The following RIPK2 variants were observed in gnomAD, a reference collection of about 807,000 sequenced individuals.
RIPK2 encodes the protein receptor-interacting serine/threonine-protein kinase 2.
A neutral mutation model predicts 60.9 loss-of-function variants in RIPK2; 38 were observed. That is an observed-to-expected ratio of 0.62 (90% CI 0.48 to 0.82). The LOEUF (loss-of-function observed/expected upper bound fraction) is 0.82. Among genes scored for constraint, RIPK2 ranks in the 40% least tolerant of loss-of-function variants. The pLI, the probability that RIPK2 is intolerant of heterozygous loss-of-function variation, is 0.00. For missense variants in RIPK2, 518 were observed against 647.0 expected, an observed-to-expected ratio of 0.80 and a Z score of 2.16; for synonymous variants, 225 against 223.4, an observed-to-expected ratio of 1.01 and a Z score of -0.06.
intron 1 of RIPK2, among the ~76,000 whole-genome samples, chr8:89,760,795 G>A (rs1386038272): frequency 6.6e-6 from 1 of 152,178 alleles, no homozygotes; most frequent in Non-Finnish European, 1.5e-5. Flanking sequence ...GGTCACAGTG[G>A]AAAGAAGAAT....
chr8:89,767,670 C>T (rs902012731), intron 3 of RIPK2, among the ~76,000 whole-genome samples: 2 of 151,734 alleles, frequency 1.3e-5, no homozygotes, highest in African/African-American at 2.4e-5. Flanking sequence ...TCTTAACATC[C>T]TTAATTGAAT....
chr8:89,790,041 C>T (rs1228407447), intron 10 of RIPK2, 38 bp from the exon 11 acceptor site: 4 of 1,456,498 alleles, frequency 2.7e-6, no homozygotes, highest in African/African-American at 1.4e-5. Context: ...TGTATCTGTC[C>T]TCACCTTTTA....
chr8:89,765,344 A>G lies in RIPK2; in HGVS notation c.331A>G (p.Thr111Ala). Residue 111 changes from threonine (T) to alanine (A), a missense_variant, in exon 3 of 11, where the codon ACT (threonine) becomes GCT (alanine). By Grantham distance (58) the Thr-to-Ala change is moderately conservative. Coordinates refer to ENST00000220751, the MANE Select transcript of RIPK2 (RefSeq NM_003821.6). ...GSLNELLHRK[T>A]EYPDVAWPLR... The stretch of plus-strand genomic sequence containing the variant: ...TTCTTTTCACATATATATGAAGAAA[A>G]CTGAATATCCTGATGTTGCTTGGCC... 6.2e-7 allele frequency: 1 copy of G among 1,601,722 alleles called. No individual in the cohort carries two copies.
Position 89,757,852 on chromosome 8 carries a change from A to AAT in RIPK2, c.-208_-207insTA. The AAT allele has an allele frequency of 7.5e-7, 1 of 1,327,586 alleles. No individual in the cohort carries two copies. Among genetic ancestry groups the AAT allele is most frequent in the South Asian group, 1.9e-5 (1 of 52,060 alleles). 82.2% of individuals were successfully genotyped at this position (1,327,586 alleles called of 1,614,324 possible). A position where few individuals can be genotyped will look rare whatever the true frequency, so the allele number is the denominator to read the frequency against. ...CTACGGCGTTGGCACCAGTCTCTAG[A>AAT]AAAGAAGTCAGCTCTGGTTCGGAGA... On this transcript the variant is annotated 5_prime_UTR_variant, in exon 1 of 11. Transcript: ENST00000220751.
chr8:89,762,997 G>T lies in RIPK2; in HGVS notation c.327+15G>T, dbSNP rs2130544615. On this transcript the variant is annotated intron_variant, in intron 2 of 10. Coordinates refer to ENST00000220751, the MANE Select transcript of RIPK2 (RefSeq NM_003821.6). ...TCCTACATAGGGTAAGTATTACACA[G>T]TTTTAGTGGCCATAATTGCCATTTT... The T allele has an allele frequency of 7.3e-7, 1 of 1,367,384 alleles. No individual in the cohort carries two copies. The highest frequency in any genetic ancestry group is 9.6e-7 in the Non-Finnish European group (1 of 1,044,486). The allele number at this position is 1,367,384 out of a possible 1,614,324, so 84.7% of individuals were successfully genotyped here.
At chr8:89,783,965 TA>T in intron 7 of RIPK2, 84 bp from the exon 8 acceptor site, 1 of 701,462 alleles carries the variant, frequency 1.4e-6, no homozygotes, top group Non-Finnish European at 2.4e-6. Context: ...TACAAACATA[TA>T]AAATGTGTTA....
intron 8 of RIPK2, among the ~76,000 whole-genome samples, chr8:89,785,432 C>T (rs533787001): frequency 8.0e-5 from 12 of 150,900 alleles, no homozygotes; most frequent in African/African-American, 2.7e-4. Flanking sequence ...CCACCCTGGG[C>T]GACTCCACCT....
intron 8 of RIPK2, 110 bp from the exon 9 acceptor site, chr8:89,786,483 A>G: frequency 1.4e-6 from 1 of 719,460 alleles, no homozygotes; most frequent in Non-Finnish European, 2.3e-6. Context: ...GAAAAAAAAA[A>G]ATTAGTAGTT....
At chr8:89,777,445 C>A (rs1451223552) in intron 6 of RIPK2, among the ~76,000 whole-genome samples, 1 of 152,102 alleles carries the variant, frequency 6.6e-6, no homozygotes, top group Non-Finnish European at 1.5e-5. Flanking sequence ...TGCTGATGAA[C>A]AATGGATATA....
At chr8:89,785,205 T>C (rs1479076664) in intron 8 of RIPK2, among the ~76,000 whole-genome samples, 1 of 152,186 alleles carries the variant, frequency 6.6e-6, no homozygotes, top group Non-Finnish European at 1.5e-5. Flanking sequence ...GTGGACACGA[T>C]GGCTCAAGTC....
chr8:89,789,208 G>A, intron 9 of RIPK2, 113 bp from the exon 10 acceptor site: 1 of 861,016 alleles, frequency 1.2e-6, no homozygotes, highest in East Asian at 2.5e-5. Flanking sequence ...CTTAATATTA[G>A]TGGAAACTAA....
chr8:89,777,142 AT>A (rs1809411410), intron 6 of RIPK2, among the ~76,000 whole-genome samples: 1 of 152,222 alleles, frequency 6.6e-6, no homozygotes, highest in Non-Finnish European at 1.5e-5. Context: ...AACCCCAGAG[AT>A]TTCAGAGGGT....
At position 89,771,738 on chromosome 8, in the gene RIPK2, C is replaced by T. The variant is rs1809315037; in HGVS notation, c.642-3C>T. The T allele has an allele frequency of 2.5e-6, 4 of 1,593,524 alleles. No individual in the cohort carries two copies. In the East Asian group the frequency reaches 9.0e-5, roughly 36 times the overall value. ...GTAACATGTATGTTCTTATGTTAAA[C>T]AGCTATGCAGTTATCACATGGGAAG... On this transcript the variant is annotated splice_region_variant and splice_polypyrimidine_tract_variant and intron_variant, in intron 4 of 10. Coordinates refer to ENST00000220751, the MANE Select transcript of RIPK2 (RefSeq NM_003821.6).
intron 2 of RIPK2, 69 bp from the exon 3 acceptor site, chr8:89,765,272 C>A: frequency 9.0e-7 from 1 of 1,107,818 alleles, no homozygotes; most frequent in Non-Finnish European, 1.3e-6. Flanking sequence ...GAATATTTAA[C>A]TTTCTAAGTG....
chr8:89,785,336 A>T (rs969638861), intron 8 of RIPK2, among the ~76,000 whole-genome samples: 3 of 152,030 alleles, frequency 2.0e-5, no homozygotes, highest in African/African-American at 7.2e-5. Flanking sequence ...TTAGCTGGGC[A>T]TGGTGGCGCA....
At chr8:89,771,628 C>T in intron 4 of RIPK2, 113 bp from the exon 5 acceptor site, 1 of 641,674 alleles carries the variant, frequency 1.6e-6, no homozygotes. Context: ...TCTTTGCTGC[C>T]TTATCACTTT....
chr8:89,762,072 T>C (rs1202549884), intron 1 of RIPK2, among the ~76,000 whole-genome samples: 1 of 151,892 alleles, frequency 6.6e-6, no homozygotes, highest in Non-Finnish European at 1.5e-5. Context: ...TGGAGCTAGC[T>C]GGCTGCTGGG....
Position 89,786,634 on chromosome 8 carries a change from T to C in RIPK2, c.1071T>C (p.Ser357=), listed in dbSNP as rs201478995. 1.7e-5 allele frequency: 27 copies of C among 1,603,046 alleles called. No homozygotes were observed. Among genetic ancestry groups the C allele is most frequent in the Non-Finnish European group, 2.1e-5 (25 of 1,172,498 alleles). The change falls in exon 9 of 11, where the codon TCT becomes TCC. Residue 357 remains serine (S), a synonymous_variant. Coordinates refer to ENST00000220751, the MANE Select transcript of RIPK2 (RefSeq NM_003821.6). ...CTCAGCTCCATGAAAATAGTGGTTC[T>C]CCTGAAACTTCAAGGTCCCTGCCAG... ...GSSQLHENSG[S]PETSRSLPAP...
At chr8:89,779,756 G>A (rs528547549) in intron 6 of RIPK2, among the ~76,000 whole-genome samples, 3 of 152,292 alleles carry the variant, frequency 2.0e-5, no homozygotes, top group East Asian at 3.9e-4. Flanking sequence ...TATGTGTAGT[G>A]TGATATAAGT....
Sources: gnomAD v4.1 joint callset for allele counts (sites outside exome capture counted in the v4.1 genomes callset) on GRCh38, gnomAD v4.1.1 for gene constraint, MANE v1.5 for transcripts, NCBI Gene and HGNC (gene_info 2026-07-23, HGNC 2026-07-21) for gene names.